SORBS2: variants seen among roughly 807,000 people sequenced by gnomAD.
SORBS2 encodes sorbin and SH3 domain-containing protein 2.
SORBS2 carries 46 observed loss-of-function variants against 97.7 expected under a neutral mutation model. That is an observed-to-expected ratio of 0.47 (90% CI 0.37 to 0.60). The LOEUF is 0.60. SORBS2 is among the 20% of genes least tolerant of loss of function. The pLI, the probability that SORBS2 is intolerant of heterozygous loss-of-function variation, is 0.00. For synonymous variants in SORBS2, 476 were observed against 473.4 expected (o/e 1.01, Z -0.07); for missense variants, 1,316 against 1,282.3 (o/e 1.03, Z -0.40).
chr4:185,945,992 A>T (rs566883632), intron 1 of SORBS2, among the ~76,000 whole-genome samples: 1 of 152,344 alleles, frequency 6.6e-6, no homozygotes, highest in South Asian at 2.1e-4. Flanking sequence ...GATGGTCAAG[A>T]CTTTGTAATC....
chr4:185,827,786 T>C (rs963375915), intron 1 of SORBS2, among the ~76,000 whole-genome samples: 8 of 58,802 alleles, frequency 1.4e-4, no homozygotes, highest in African/African-American at 4.9e-4. Flanking sequence ...ACCATCATCA[T>C]CGTCACCATC....
At position 185,614,822 on chromosome 4, in the gene SORBS2, C is replaced by T. The variant is rs147132326; in HGVS notation, c.2595+9G>A. The T allele has an allele frequency of 6.8e-5, 110 of 1,613,356 alleles. No homozygotes were observed. In the African/African-American group the frequency reaches 1.1e-3, roughly 16 times the overall value. On this transcript the variant is annotated intron_variant, in intron 11 of 14. Coordinates refer to ENST00000418609, the Ensembl canonical transcript of SORBS2. ...CAAAAACAAACAAACAAAAAACCAGCTGGGCTACCTTTCTCAGTGACAGCT... is the reference window on the plus strand; with the variant it reads ...CAAAAACAAACAAACAAAAAACCAGTTGGGCTACCTTTCTCAGTGACAGCT...
At chr4:185,936,736 C>T (rs2278939) in intron 1 of SORBS2, among the ~76,000 whole-genome samples, 120,910 of 152,066 alleles carry the variant, frequency 0.8, 48,329 homozygotes, top group Middle Eastern at 0.9. Context: ...ATGGTCATCA[C>T]GTTGATTAGA....
At chr4:185,657,738 C>T (rs2097432150), upstream of SORBS2, 2 of 771,370 alleles carry the variant, frequency 2.6e-6, no homozygotes, top group Non-Finnish European at 4.0e-6. Flanking sequence ...TACTTTCCAT[C>T]TGAGCTGGTG....
At chr4:185,681,470 C>A (rs1362168202) in intron 2 of SORBS2, among the ~76,000 whole-genome samples, 1 of 151,460 alleles carries the variant, frequency 6.6e-6, no homozygotes, top group East Asian at 1.9e-4. Flanking sequence ...TTCCCCAGAT[C>A]TGCAGCATTA....
intron 1 of SORBS2, among the ~76,000 whole-genome samples, chr4:185,879,174 C>CCT (rs1561262097): frequency 1.8e-5 from 2 of 111,706 alleles, no homozygotes; most frequent in African/African-American, 8.4e-5. Context: ...CTCCCCCCCC[C>CCT]CCACCCCACG....
At chr4:185,594,896 A>G (rs1044242910) in intron 12 of SORBS2, among the ~76,000 whole-genome samples, 3 of 151,950 alleles carry the variant, frequency 2.0e-5, no homozygotes, top group African/African-American at 7.3e-5. Flanking sequence ...CATGGCAATT[A>G]TATAAGTGAC....
intron 1 of SORBS2, among the ~76,000 whole-genome samples, chr4:185,806,455 T>G (rs1163782239): frequency 0.13 from 14,528 of 109,968 alleles, 2,179 homozygotes; most frequent in Non-Finnish European, 0.15. Context: ...TTTTTTTTTT[T>G]TTTTTTTTTT....
chr4:185,744,419 T>C (rs1425593364), intron 2 of SORBS2, among the ~76,000 whole-genome samples: 3 of 152,248 alleles, frequency 2.0e-5, no homozygotes, highest in African/African-American at 4.8e-5. Flanking sequence ...TACAGTGTAC[T>C]GTTGGGCTAG....
At chr4:185,892,303 C>T (rs1016750396) in intron 1 of SORBS2, among the ~76,000 whole-genome samples, 3 of 152,164 alleles carry the variant, frequency 2.0e-5, no homozygotes, top group African/African-American at 7.2e-5. Flanking sequence ...TCTAGAATTG[C>T]ATCATGTATC....
At chr4:185,795,834 C>A (rs2099102161) in intron 1 of SORBS2, among the ~76,000 whole-genome samples, 1 of 152,158 alleles carries the variant, frequency 6.6e-6, no homozygotes. Flanking sequence ...AAACCAGTTT[C>A]ACTATCTTCT....
chr4:185,908,321 A>C, intron 1 of SORBS2, among the ~76,000 whole-genome samples: 1 of 127,128 alleles, frequency 7.9e-6, no homozygotes. Flanking sequence ...ATATATATAT[A>C]TTTGTATACA....
At chr4:185,778,301 G>A (rs2099010007) in intron 1 of SORBS2, among the ~76,000 whole-genome samples, 1 of 152,162 alleles carries the variant, frequency 6.6e-6, no homozygotes, top group African/African-American at 2.4e-5. Flanking sequence ...GATTCAGTAG[G>A]TCTGGCGGGG....
chr4:185,690,482 A>G (rs887085973), intron 2 of SORBS2, 80 bp downstream of exon 4: 4 of 751,448 alleles, frequency 5.3e-6, no homozygotes, highest in Middle Eastern at 2.4e-4. Flanking sequence ...GGATCAGAAG[A>G]GTGCTAAACT....
At chr4:185,732,333 A>G (rs556192016) in intron 2 of SORBS2, among the ~76,000 whole-genome samples, 14 of 152,350 alleles carry the variant, frequency 9.2e-5, no homozygotes, top group African/African-American at 3.4e-4. Context: ...AGAGAGTGTC[A>G]GAGAAGAGTC....
intron 2 of SORBS2, among the ~76,000 whole-genome samples, chr4:185,691,819 A>G (rs2098101581): frequency 6.6e-6 from 1 of 151,806 alleles, no homozygotes; most frequent in African/African-American, 2.4e-5. Context: ...ATCTCGGCTC[A>G]CTGCAAGCTC....
In SORBS2 at chr4:185,812,198, A is replaced by G. The variant is rs545347932; in HGVS notation, c.-337-36832T>C. On this transcript the variant is annotated intron_variant, in intron 1 of 20. Transcript: ENST00000284776. ...AGGGCGAAGCTCAGCAGAATATGCC[A>G]CACTGTTTTCCATAAGTAAAATGGC... 6.6e-6 allele frequency: 1 copy of G among 152,408 alleles called. No individual in the cohort carries two copies. The highest frequency in any genetic ancestry group is 2.1e-4 in the South Asian group (1 of 4,830). The allele number at this position is 152,408 out of a possible 1,614,324, so 9.4% of individuals were successfully genotyped here. A position where few individuals can be genotyped will look rare whatever the true frequency, so the allele number is the denominator to read the frequency against.
chr4:185,934,644 C>G (rs1032140055), intron 1 of SORBS2, among the ~76,000 whole-genome samples: 15 of 152,076 alleles, frequency 9.9e-5, no homozygotes, highest in African/African-American at 3.6e-4. Context: ...ATTAGCCAGA[C>G]ATGGTGGCGG....
chr4:185,618,097 T>G (rs1472376400), intron 9 of SORBS2, among the ~76,000 whole-genome samples: 1 of 152,168 alleles, frequency 6.6e-6, no homozygotes, highest in Admixed American at 6.5e-5. Flanking sequence ...CTCAGCCTCC[T>G]GAGTAGCTGG....
Sources: gnomAD v4.1 joint callset for allele counts (sites outside exome capture counted in the v4.1 genomes callset) on GRCh38, gnomAD v4.1.1 for gene constraint, MANE v1.5 for transcripts, NCBI Gene and HGNC (gene_info 2026-07-23, HGNC 2026-07-21) for gene names.